The following SH3KBP1 variants were observed in gnomAD, a reference collection of about 807,000 sequenced individuals.
The protein encoded by SH3KBP1 is SH3 domain containing kinase binding protein 1, also known as SH3 domain-containing kinase-binding protein 1.
Under a neutral mutation model 50.1 loss-of-function variants are expected in SH3KBP1, and 8 were observed. The observed-to-expected ratio is 0.16, with a 90% CI of 0.09 to 0.29. SH3KBP1 has a LOEUF of 0.29. Ranked by LOEUF, SH3KBP1 falls within the 10% of genes least tolerant of loss-of-function variation. The probability of loss-of-function intolerance (pLI) is 1.00; values close to 1 mark genes in which losing one functional copy is unlikely to be tolerated. For synonymous variants in SH3KBP1, 227 were observed against 218.6 expected (o/e 1.04, Z -0.34); for missense variants, 377 against 535.2 (o/e 0.70, Z 2.92).
intron 3 of SH3KBP1, among the ~76,000 whole-genome samples, chrX:19,734,593 T>C (rs1480208653): frequency 1.8e-5 from 2 of 112,058 alleles, no homozygotes; most frequent in South Asian, 3.7e-4. Flanking sequence ...TGGATTTATG[T>C]ATCTGCAGGA....
intron 8 of SH3KBP1, among the ~76,000 whole-genome samples, chrX:19,612,425 G>C (rs750091799): frequency 3.6e-5 from 4 of 110,962 alleles, no homozygotes; most frequent in African/African-American, 1.3e-4. Flanking sequence ...CACCACGCCT[G>C]GTTAATTTTT....
At chrX:19,786,459 G>A (rs911348401) in intron 2 of SH3KBP1, among the ~76,000 whole-genome samples, 31 of 112,060 alleles carry the variant, frequency 2.8e-4, no homozygotes, top group Admixed American at 2.7e-3. Context: ...AGCTGGTCAA[G>A]GGAATTTCAT....
intron 8 of SH3KBP1, among the ~76,000 whole-genome samples, chrX:19,612,514 C>T (rs1166608752): frequency 8.9e-6 from 1 of 111,816 alleles, no homozygotes; most frequent in Non-Finnish European, 1.9e-5. Flanking sequence ...GATCTGCCTG[C>T]CTCGGCCTCC....
intron 16 of SH3KBP1, among the ~76,000 whole-genome samples, chrX:19,541,444 T>G (rs1252277494): frequency 1.8e-5 from 2 of 111,586 alleles, no homozygotes; most frequent in Non-Finnish European, 1.9e-5. Flanking sequence ...GTGTAAAATC[T>G]TGGGCTTCAA....
chrX:19,672,794 C>T (rs1259568292), intron 6 of SH3KBP1, among the ~76,000 whole-genome samples: 6 of 111,002 alleles, frequency 5.4e-5, no homozygotes, highest in Admixed American at 9.6e-5. Context: ...TGGTGGCTCA[C>T]GCCTGTAATC....
chrX:19,850,141 A>G (rs1331715708), intron 1 of SH3KBP1, among the ~76,000 whole-genome samples: 1 of 111,819 alleles, frequency 8.9e-6, no homozygotes, highest in Non-Finnish European at 1.9e-5. Flanking sequence ...ATACATATGT[A>G]TGTTTCAATA....
chrX:19,885,634 G>A (rs1387207138), intron 1 of SH3KBP1, among the ~76,000 whole-genome samples: 2 of 110,262 alleles, frequency 1.8e-5, no homozygotes, highest in Admixed American at 9.6e-5. Flanking sequence ...GGCCATGGGA[G>A]AAGACATTTG....
At chrX:19,811,473 G>A (rs1388669923) in intron 2 of SH3KBP1, among the ~76,000 whole-genome samples, 2 of 111,702 alleles carry the variant, frequency 1.8e-5, no homozygotes, top group Non-Finnish European at 3.8e-5. Context: ...CTGGACCGAA[G>A]CCTTCGGCAG....
chrX:19,796,329 T>C (rs907761917), intron 2 of SH3KBP1, among the ~76,000 whole-genome samples: 1 of 111,771 alleles, frequency 8.9e-6, no homozygotes, highest in Non-Finnish European at 1.9e-5. Context: ...CATTTTGCTA[T>C]CTCTAAAATG....
At chrX:19,776,532 G>GTGTTTTTTTTTTT (rs2065980518) in intron 2 of SH3KBP1, among the ~76,000 whole-genome samples, 1 of 25,681 alleles carries the variant, frequency 3.9e-5, no homozygotes, top group African/African-American at 1.7e-4. Context: ...TGACAACCTG[G>GTGTTTTTTTTTTT]TTTTTTTTTT....
chrX:19,682,536 T>G, intron 6 of SH3KBP1, among the ~76,000 whole-genome samples: 1 of 111,308 alleles, frequency 9.0e-6, no homozygotes, highest in Admixed American at 9.6e-5. Flanking sequence ...GGACTTGCTC[T>G]TTTGTAAATG....
intron 1 of SH3KBP1, among the ~76,000 whole-genome samples, chrX:19,839,907 TATG>T (rs1403847890): frequency 1.8e-5 from 2 of 112,295 alleles, no homozygotes; most frequent in African/African-American, 6.5e-5. Flanking sequence ...GCTTGCATTT[TATG>T]ATGATAGACC....
At chrX:19,723,532 A>G (rs1268363708) in intron 3 of SH3KBP1, among the ~76,000 whole-genome samples, 1 of 112,263 alleles carries the variant, frequency 8.9e-6, no homozygotes, top group Non-Finnish European at 1.9e-5. Context: ...TGACATCTTT[A>G]TGATCAAATG....
intron 1 of SH3KBP1, among the ~76,000 whole-genome samples, chrX:19,856,471 G>A (rs140983635): frequency 7.2e-5 from 8 of 111,442 alleles, no homozygotes; most frequent in South Asian, 3.8e-4. Context: ...TGTCAGTAGC[G>A]ACCTTTAAGG....
intron 2 of SH3KBP1, among the ~76,000 whole-genome samples, chrX:19,765,521 T>C (rs1389421109): frequency 9.0e-6 from 1 of 111,616 alleles, no homozygotes. Context: ...CTAACTCTGA[T>C]CTTACTGCCT....
intron 12 of SH3KBP1, among the ~76,000 whole-genome samples, chrX:19,572,431 A>G (rs1023371499): frequency 9.4e-6 from 1 of 106,817 alleles, no homozygotes; most frequent in African/African-American, 3.4e-5. Context: ...TATAGTACAT[A>G]TATGTTATAT....
intron 1 of SH3KBP1, among the ~76,000 whole-genome samples, chrX:19,878,897 A>G (rs1297181128): frequency 1.8e-5 from 2 of 112,547 alleles, no homozygotes; most frequent in African/African-American, 6.5e-5. Flanking sequence ...TGAATTGCAC[A>G]CCTTAAATGG....
At chrX:19,626,236 C>T (rs1021372076) in intron 8 of SH3KBP1, among the ~76,000 whole-genome samples, 3 of 111,076 alleles carry the variant, frequency 2.7e-5, no homozygotes, top group Non-Finnish European at 5.7e-5. Context: ...TGAAAAGGAG[C>T]GGTTCTAACT....
At chrX:19,649,569 T>C (rs892673134) in intron 6 of SH3KBP1, among the ~76,000 whole-genome samples, 3 of 111,892 alleles carry the variant, frequency 2.7e-5, no homozygotes, top group Admixed American at 1.9e-4. Flanking sequence ...AACCTGACTT[T>C]TAAAAATCAA....
Sources: allele counts gnomAD v4.1 joint callset (sites outside exome capture counted in the v4.1 genomes callset), GRCh38; gene constraint gnomAD v4.1.1; transcripts MANE v1.5; gene names NCBI Gene and HGNC (gene_info 2026-07-23, HGNC 2026-07-21).